CCDC33: variants seen among roughly 807,000 people sequenced by gnomAD.
The protein encoded by CCDC33 is coiled-coil domain containing 33.
A neutral mutation model predicts 91.9 loss-of-function variants in CCDC33; 94 were observed. That is an observed-to-expected ratio of 1.02 (90% CI 0.87 to 1.21). The LOEUF (loss-of-function observed/expected upper bound fraction) is 1.21, where lower values mean the gene tolerates loss of function less well. Among genes scored for constraint, CCDC33 ranks in the 50% most tolerant of loss-of-function variants. The pLI is 0.00. For synonymous variants in CCDC33, 396 were observed against 374.5 expected (o/e 1.06, Z -0.66); for missense variants, 940 against 935.5 (o/e 1.00, Z -0.06).
chr15:74,204,698 C>T (rs1044038148), intron 1 of CCDC33, among the ~76,000 whole-genome samples: 6 of 152,132 alleles, frequency 3.9e-5, no homozygotes, highest in Non-Finnish European at 5.9e-5. Context: ...TTTGGGAGGC[C>T]GAGGCAGGTG....
intron 18 of CCDC33, chr15:74,335,292 A>G: frequency 3.2e-6 from 2 of 632,824 alleles, no homozygotes; most frequent in Admixed American, 2.7e-5. Context: ...GGGGAACAGA[A>G]AACCCCTGCC....
chr15:74,309,641 T>G (rs2930293), intron 11 of CCDC33, among the ~76,000 whole-genome samples: 144,867 of 152,098 alleles, frequency 0.95, 69,384 homozygotes, highest in East Asian at 1. Context: ...GAGTGAAGAG[T>G]ACAGTGTAGG....
At chr15:74,299,223 G>A (rs12592974) in intron 11 of CCDC33, among the ~76,000 whole-genome samples, 14,521 of 152,194 alleles carry the variant, frequency 0.095, 1,004 homozygotes, top group African/African-American at 0.2. Context: ...CCCATCAGTG[G>A]CTCATTCACC....
chr15:74,253,250 C>T (rs1415243188), intron 2 of CCDC33, among the ~76,000 whole-genome samples: 1 of 152,192 alleles, frequency 6.6e-6, no homozygotes, highest in Non-Finnish European at 1.5e-5. Context: ...ACAGCCTCCT[C>T]CTCCCTCCCT....
intron 1 of CCDC33, among the ~76,000 whole-genome samples, chr15:74,241,644 G>GCTCA (rs1282365336): frequency 6.6e-6 from 1 of 152,210 alleles, no homozygotes; most frequent in Non-Finnish European, 1.5e-5. Flanking sequence ...ATCTGTAAAG[G>GCTCA]CTCACTCTGG....
At chr15:74,209,319 C>A (rs1567204557) in intron 1 of CCDC33, 3 of 1,490,438 alleles carry the variant, frequency 2.0e-6, no homozygotes, top group Non-Finnish European at 2.7e-6. Context: ...TGAGTTTCCC[C>A]AGATGTGGCC....
chr15:74,317,887 GT>G lies in CCDC33; in HGVS notation c.1291-12279del, dbSNP rs71137385. Among the ~76,000 whole-genome samples the G allele has an allele frequency of 7.2e-3, 798 of 110,432 alleles. 4 individuals are homozygous for G. The highest frequency in any genetic ancestry group is 0.02 in the East Asian group (69 of 3,464). 72.4% of individuals were successfully genotyped at this position (110,432 alleles called of 152,430 possible). A position where few individuals can be genotyped will look rare whatever the true frequency, so the allele number is the denominator to read the frequency against. On this transcript the variant is annotated intron_variant, in intron 11 of 18. Coordinates refer to ENST00000398814, the MANE Select transcript of CCDC33 (RefSeq NM_025055.5). ...GTGGCGGGCTGGCTTGTTTGGGTTT[GT>G]TTTTTTTTTTTTTTTTTTTTTTGCT...
chr15:74,244,355 G>A lies in CCDC33; in HGVS notation c.185+207G>A, dbSNP rs2075450740. 6.6e-6 allele frequency among the ~76,000 whole-genome samples: 1 copy of A among 152,176 alleles called. No homozygotes were observed. Among genetic ancestry groups the A allele is most frequent in the Admixed American group, 6.5e-5 (1 of 15,274 alleles). On this transcript the variant is annotated intron_variant, in intron 2 of 18. Coordinates refer to ENST00000398814, the MANE Select transcript of CCDC33 (RefSeq NM_025055.5). The surrounding 1 kb of genome is among the most constrained non-coding windows in gnomAD (Gnocchi z 4.2). ...GGCTGGGGAAGACAGGGTGCCAACGGATCCAGAGAGTCACCCCTCCCCACC... is the reference window on the plus strand; with the variant it reads ...GGCTGGGGAAGACAGGGTGCCAACGAATCCAGAGAGTCACCCCTCCCCACC...
intron 1 of CCDC33, among the ~76,000 whole-genome samples, chr15:74,208,531 C>T (rs1567203939): frequency 6.6e-6 from 1 of 152,130 alleles, no homozygotes; most frequent in Non-Finnish European, 1.5e-5. Context: ...AACCTTTTGC[C>T]CACAGCCAGT....
At chr15:74,243,270 T>C (rs2075404623) in intron 1 of CCDC33, among the ~76,000 whole-genome samples, 1 of 152,228 alleles carries the variant, frequency 6.6e-6, no homozygotes, top group South Asian at 2.1e-4. Flanking sequence ...TTGTCAGCTG[T>C]AAAGTGCTGT....
chr15:74,330,147 CT>C, intron 11 of CCDC33, 41 bp from the exon 12 acceptor site: 2 of 1,532,604 alleles, frequency 1.3e-6, no homozygotes, highest in Non-Finnish European at 1.8e-6. Context: ...ACCAGGGTTG[CT>C]ATGGGGCAGT....
rs144172111 is a variant in CCDC33, at chr15:74,309,795, A to G, written c.1290+13847A>G. On this transcript the variant is annotated intron_variant, in intron 11 of 18. Transcript: ENST00000398814. ...TGCCCCACCCGTTCCAGACCCCCCAAGTCCTCCACCAGCCATCTCAACAGA... is the reference window on the plus strand; with the variant it reads ...TGCCCCACCCGTTCCAGACCCCCCAGGTCCTCCACCAGCCATCTCAACAGA... Among the ~76,000 whole-genome samples the G allele has an allele frequency of 2.4e-3, 358 of 152,236 alleles. 3 individuals carry two copies. The highest frequency in any genetic ancestry group is 8.3e-4 in the South Asian group (4 of 4,808).
chr15:74,212,524 G>A (rs543191520), upstream of CCDC33: 12 of 152,428 alleles, frequency 7.9e-5, no homozygotes, highest in South Asian at 6.2e-4. Context: ...AGAGAGGAAC[G>A]GAGTGCCATC....
chr15:74,229,909 AG>A (rs1183929317), intron 2 of CCDC33, among the ~76,000 whole-genome samples: 14 of 152,194 alleles, frequency 9.2e-5, no homozygotes, highest in Non-Finnish European at 1.5e-5. Flanking sequence ...AGGGCAGGGG[AG>A]GCCCATGGGC....
intron 1 of CCDC33, among the ~76,000 whole-genome samples, chr15:74,206,834 C>T (rs2074271675): frequency 1.3e-5 from 2 of 152,256 alleles, no homozygotes. Flanking sequence ...GGCTCCCTCG[C>T]TGTGACCAGC....
chr15:74,318,712 A>G, intron 11 of CCDC33: 1 of 725,072 alleles, frequency 1.4e-6, no homozygotes, highest in Non-Finnish European at 2.6e-6. Flanking sequence ...CTCGCCTAGC[A>G]GCAGGTGTGT....
intron 2 of CCDC33, chr15:74,221,352 A>C: frequency 1.0e-6 from 1 of 973,216 alleles, no homozygotes; most frequent in Non-Finnish European, 1.2e-6. Flanking sequence ...AGCGGAAGAC[A>C]AGGCTCAGTG....
intron 11 of CCDC33, among the ~76,000 whole-genome samples, chr15:74,315,408 G>A (rs1432917612): frequency 6.6e-6 from 1 of 152,136 alleles, no homozygotes; most frequent in Admixed American, 6.5e-5. Flanking sequence ...CCGGAGTGGT[G>A]GTGAAGACTC....
chr15:74,262,545 G>T lies in CCDC33; in HGVS notation c.291G>T (p.Glu97Asp). 1.2e-6 allele frequency: 2 copies of T among 1,613,766 alleles called. No homozygotes were observed. The highest frequency in any genetic ancestry group is 8.5e-7 in the Non-Finnish European group (1 of 1,179,872). ...APIWGDTVNV[E>D]IQAEDAGQED... Reference sequence around the variant, plus strand: ...TCTGGGGGGACACGGTGAATGTGGAGATCCAAGCTGAGGATGCAGGGCAAG... The same window carrying T: ...TCTGGGGGGACACGGTGAATGTGGATATCCAAGCTGAGGATGCAGGGCAAG... The change falls in exon 3 of 19, where the codon GAG (glutamate) becomes GAT (aspartate). Residue 97 changes from glutamate (E) to aspartate (D), a missense_variant. Glu to Asp is a conservative substitution (Grantham distance 45). Coordinates refer to ENST00000398814, the MANE Select transcript of CCDC33 (RefSeq NM_025055.5).
Sources: gnomAD v4.1 joint callset for allele counts (sites outside exome capture counted in the v4.1 genomes callset) on GRCh38, gnomAD v4.1.1 for gene constraint, Gnocchi (gnomAD v3.1) non-coding constraint, MANE v1.5 for transcripts, NCBI Gene and HGNC (gene_info 2026-07-23, HGNC 2026-07-21) for gene names.